OPRM1: variants seen among roughly 807,000 people sequenced by gnomAD.
OPRM1 encodes mu-type opioid receptor.
A neutral mutation model predicts 31.8 loss-of-function variants in OPRM1; 27 were observed. The observed-to-expected ratio is 0.85, with a 90% CI of 0.63 to 1.17. OPRM1 has a LOEUF of 1.17. OPRM1 is among the 50% of genes most tolerant of loss of function. The pLI is 0.00. For missense variants in OPRM1, 536 were observed against 511.1 expected (o/e 1.05, Z -0.47); for synonymous variants, 196 against 189.9 (o/e 1.03, Z -0.26).
chr6:154,099,969 A>ATGATATATAT (rs1468233443), intron 3 of OPRM1, among the ~76,000 whole-genome samples: 14 of 141,674 alleles, frequency 9.9e-5, no homozygotes, highest in African/African-American at 1.0e-4. Flanking sequence ...TTATCATATT[A>ATGATATATAT]CGATATATAT....
At chr6:154,021,840 G>GTTTTT (rs201448083) in intron 1 of OPRM1, among the ~76,000 whole-genome samples, 4 of 151,566 alleles carry the variant, frequency 2.6e-5, no homozygotes, top group African/African-American at 9.8e-5. Context: ...CTCCAGGAGG[G>GTTTTT]TTTTCTCTTT....
chr6:154,142,352 G>C (rs1178680708), intron 3 of OPRM1, among the ~76,000 whole-genome samples: 1 of 57,754 alleles, frequency 1.7e-5, no homozygotes, highest in South Asian at 4.2e-4. Flanking sequence ...TCAGGAACTG[G>C]GTGACTGGGC....
chr6:154,200,932 G>A (rs2128592550), intron 3 of OPRM1, among the ~76,000 whole-genome samples: 1 of 152,272 alleles, frequency 6.6e-6, no homozygotes, highest in African/African-American at 2.4e-5. Flanking sequence ...ATCCCCACAT[G>A]TCGAGGGAGG....
chr6:154,207,312 T>C (rs1314271684), intron 3 of OPRM1, among the ~76,000 whole-genome samples: 2 of 152,234 alleles, frequency 1.3e-5, no homozygotes, highest in South Asian at 2.1e-4. Flanking sequence ...TTCAACCATA[T>C]GGCTTACAAT....
intron 3 of OPRM1, among the ~76,000 whole-genome samples, chr6:154,226,058 T>C (rs1779224919): frequency 6.6e-6 from 1 of 152,192 alleles, no homozygotes; most frequent in Non-Finnish European, 1.5e-5. Flanking sequence ...AACTATGCCT[T>C]CTTCTCTTTC....
At chr6:154,043,300 G>T (rs938312865) in intron 1 of OPRM1, among the ~76,000 whole-genome samples, 1 of 152,048 alleles carries the variant, frequency 6.6e-6, no homozygotes, top group South Asian at 2.1e-4. Flanking sequence ...TTAAATACGT[G>T]CAAGATGTTA....
intron 3 of OPRM1, among the ~76,000 whole-genome samples, chr6:154,217,810 G>A (rs1022463191): frequency 2.0e-5 from 3 of 152,058 alleles, no homozygotes; most frequent in Non-Finnish European, 4.4e-5. Context: ...GTGAAATAGG[G>A]AAAATATTTT....
chr6:154,108,114 C>G (rs926205373), intron 3 of OPRM1: 5 of 600,770 alleles, frequency 8.3e-6, no homozygotes, highest in Admixed American at 2.9e-5. Context: ...CCTAGTGATC[C>G]GGCTTGCGGC....
At chr6:154,038,206 G>C (rs918409717), upstream of OPRM1, among the ~76,000 whole-genome samples, 5 of 152,042 alleles carry the variant, frequency 3.3e-5, no homozygotes, top group Non-Finnish European at 7.4e-5. Flanking sequence ...AAATTGCAGT[G>C]AATTTTTCAA....
At chr6:154,231,394 T>G (rs1182440955) in intron 3 of OPRM1, among the ~76,000 whole-genome samples, 2 of 152,216 alleles carry the variant, frequency 1.3e-5, no homozygotes, top group African/African-American at 4.8e-5. Context: ...ATTCCACTTC[T>G]GGGATCTGTC....
chr6:154,200,028 C>G, intron 3 of OPRM1: 1 of 1,607,886 alleles, frequency 6.2e-7, no homozygotes, highest in Non-Finnish European at 8.5e-7. Flanking sequence ...GATGAAGATG[C>G]CTGCTGTGCA....
downstream of OPRM1, among the ~76,000 whole-genome samples, chr6:154,132,978 G>A (rs1299624324): frequency 6.6e-6 from 1 of 151,988 alleles, no homozygotes; most frequent in African/African-American, 2.4e-5. Context: ...AAAATTAGCC[G>A]GGCATGGTGG....
At chr6:154,089,248 T>C (rs1791399219) in intron 1 of OPRM1, among the ~76,000 whole-genome samples, 1 of 152,040 alleles carries the variant, frequency 6.6e-6, no homozygotes, top group African/African-American at 2.4e-5. Context: ...AATCTCCCTC[T>C]TTCTATTAGA....
At chr6:154,195,497 A>G (rs2128586699) in intron 3 of OPRM1, among the ~76,000 whole-genome samples, 1 of 152,180 alleles carries the variant, frequency 6.6e-6, no homozygotes, top group East Asian at 1.9e-4. Context: ...CTGATGAGAA[A>G]TGGTCATCCA....
chr6:154,091,787 G>T, intron 3 of OPRM1: 1 of 1,056,652 alleles, frequency 9.5e-7, no homozygotes. Context: ...TTCTGATCTA[G>T]AATCCTTTTC....
At chr6:154,107,435 A>G in intron 3 of OPRM1, 2 of 718,382 alleles carry the variant, frequency 2.8e-6, no homozygotes, top group Non-Finnish European at 5.2e-6. Context: ...CTTCACTCAG[A>G]TATTAAACCA....
At position 154,168,561 on chromosome 6, in the gene OPRM1, G is replaced by C. The variant is rs1799617185; in HGVS notation, c.1164+77089G>C. On this transcript the variant is annotated intron_variant, in intron 3 of 3. Transcript: ENST00000337049. This position sits in a 1 kb window ranked among gnomAD's most constrained non-coding sequence, Gnocchi z 4.1. ...TAAGGTCACATTCTGAGGTATTAGG[G>C]GTTAGGACGTCAACATACGAATTTT... Among the ~76,000 whole-genome samples the C allele has an allele frequency of 6.6e-6, 1 of 151,922 alleles. No homozygotes were observed. Among genetic ancestry groups the C allele is most frequent in the South Asian group, 2.1e-4 (1 of 4,818 alleles).
In OPRM1 at chr6:154,123,620, A is replaced by T. The variant is rs1324773876; in HGVS notation, c.*4899A>T. 6.6e-6 allele frequency among the ~76,000 whole-genome samples: 1 copy of T among 152,196 alleles called. No homozygotes were observed. Among genetic ancestry groups the T allele is most frequent in the East Asian group, 1.9e-4 (1 of 5,198 alleles). On this transcript the variant is annotated 3_prime_UTR_variant, in exon 4 of 4. Coordinates refer to ENST00000330432, the MANE Select transcript of OPRM1 (RefSeq NM_000914.5). ...TGGCTATTTTTGTGGTTATTTCTTGATTATATGCTAAACAAGGGGTGGATT... is the reference window on the plus strand; with the variant it reads ...TGGCTATTTTTGTGGTTATTTCTTGTTTATATGCTAAACAAGGGGTGGATT...
intron 1 of OPRM1, chr6:154,083,491 G>T (rs1004304493): frequency 6.6e-6 from 1 of 152,172 alleles, no homozygotes. Flanking sequence ...TATATACAAA[G>T]TTCATCATGG....
Sources: allele counts gnomAD v4.1 joint callset (sites outside exome capture counted in the v4.1 genomes callset), GRCh38; gene constraint gnomAD v4.1.1; non-coding constraint Gnocchi (gnomAD v3.1); transcripts MANE v1.5; gene names NCBI Gene and HGNC (gene_info 2026-07-23, HGNC 2026-07-21).